CEP350: variants seen among roughly 807,000 people sequenced by gnomAD.
The protein encoded by CEP350 is centrosome-associated protein 350.
A neutral mutation model predicts 331.8 loss-of-function variants in CEP350; 126 were observed. That is an observed-to-expected ratio of 0.38 (90% CI 0.33 to 0.44). The LOEUF (loss-of-function observed/expected upper bound fraction) is 0.44, where lower values mean the gene tolerates loss of function less well. Among genes scored for constraint, CEP350 ranks in the 20% least tolerant of loss-of-function variants. The pLI is 1.00. For synonymous variants in CEP350, 1,200 were observed against 1,259.5 expected (o/e 0.95, Z 1.00); for missense variants, 3,406 against 3,634.6 (o/e 0.94, Z 1.62).
chr1:180,081,315 A>G (rs1403540191), intron 30 of CEP350, among the ~76,000 whole-genome samples: 2 of 152,152 alleles, frequency 1.3e-5, no homozygotes, highest in Non-Finnish European at 2.9e-5. Context: ...ATTATAAATC[A>G]TGGAATTTTC....
chr1:180,030,622 G>C (rs1027109018), intron 14 of CEP350, among the ~76,000 whole-genome samples: 1 of 151,526 alleles, frequency 6.6e-6, no homozygotes, highest in African/African-American at 2.4e-5. Context: ...AGTAAATTTG[G>C]GATATAGTAC....
chr1:179,996,801 T>C lies in CEP350; in HGVS notation c.644T>C (p.Met215Thr). The C allele has an allele frequency of 1.2e-6, 2 of 1,613,740 alleles. No homozygotes were observed. Among genetic ancestry groups the C allele is most frequent in the Non-Finnish European group, 1.7e-6 (2 of 1,179,728 alleles). The change falls in exon 6 of 38, where the codon ATG (methionine) becomes ACG (threonine). Residue 215 changes from methionine to threonine, a missense_variant. Physicochemically the swap from Met to Thr is moderately conservative, Grantham distance 81 (BLOSUM62 -1). Around this residue, in one of 5 missense-constraint regions of CEP350, gnomAD observed 1,857 missense variants for 1,909.2 expected, o/e 0.97. Coordinates refer to ENST00000367607, the MANE Select transcript of CEP350 (RefSeq NM_014810.5). ...CAAAATTCTGAATGTTTGATTAGGATGGGAGCTTCTATGAGAACTGAGGAA... is the reference window on the plus strand; with the variant it reads ...CAAAATTCTGAATGTTTGATTAGGACGGGAGCTTCTATGAGAACTGAGGAA... ...ALQNSECLIR[M>T]GASMRTEEEM...
chr1:180,042,804 TTCTG>T (rs1656856474), intron 19 of CEP350, among the ~76,000 whole-genome samples: 1 of 152,228 alleles, frequency 6.6e-6, no homozygotes, highest in Non-Finnish European at 1.5e-5. Context: ...CTTTAAGGTT[TTCTG>T]TCTAATTCAT....
intron 27 of CEP350, among the ~76,000 whole-genome samples, chr1:180,065,825 G>A (rs564956473): frequency 1.1e-4 from 16 of 151,714 alleles, no homozygotes; most frequent in Non-Finnish European, 2.4e-4. Context: ...TGAAAGAAAG[G>A]CATTTCTTTC....
intron 26 of CEP350, among the ~76,000 whole-genome samples, chr1:180,063,185 A>ACT (rs1658335314): frequency 9.0e-6 from 1 of 111,054 alleles, no homozygotes; most frequent in African/African-American, 3.2e-5. Context: ...AAAATTTGAA[A>ACT]CTTTTTTTTT....
Position 180,075,092 on chromosome 1 carries a change from C to G in CEP350, c.5638C>G (p.Arg1880Gly), listed in dbSNP as rs772463321. 6.2e-7 allele frequency: 1 copy of G among 1,613,262 alleles called. No individual in the cohort carries two copies. Among genetic ancestry groups the G allele is most frequent in the South Asian group, 1.1e-5 (1 of 90,888 alleles). Residue 1880 changes from arginine to glycine, a missense_variant, in exon 28 of 38, where the codon CGA becomes GGA. This residue lies in a region of CEP350 where 1,415 missense variants were observed against 1,512.3 expected (regional missense o/e 0.94). Transcript: ENST00000367607. ...TGCAGAGGAGCTCCTAGAGTGGAAG[C>G]GACGTTTAGATGCAGAAGAAGCAGA... is the stretch of plus-strand genomic sequence containing the variant. The part of the protein sequence containing the change: ...QHAEELLEWK[R>G]RLDAEEAEIR...
In CEP350 at chr1:180,113,960, C is replaced by T. The variant is rs2149215530; in HGVS notation, c.*2799C>T. On this transcript the variant is annotated 3_prime_UTR_variant, in exon 38 of 38. Transcript: ENST00000367607. ...TAGTTAACTCTGGGTTAAACAAGTACAGGGTATAGATTCCCTCTTCAGGTC... is the reference window on the plus strand; with the variant it reads ...TAGTTAACTCTGGGTTAAACAAGTATAGGGTATAGATTCCCTCTTCAGGTC... The T allele has an allele frequency of 6.6e-6, 1 of 152,652 alleles. No individual in the cohort carries two copies. Among genetic ancestry groups the T allele is most frequent in the African/African-American group, 2.4e-5 (1 of 41,524 alleles). 9.5% of individuals were successfully genotyped at this position (152,652 alleles called of 1,614,324 possible). A position where few individuals can be genotyped will look rare whatever the true frequency, so the allele number is the denominator to read the frequency against.
chr1:180,055,584 T>TCTTTTACC (rs1165543889), intron 25 of CEP350, among the ~76,000 whole-genome samples: 1 of 125,738 alleles, frequency 8.0e-6, no homozygotes, highest in Non-Finnish European at 1.6e-5. Flanking sequence ...ACAGTCTCGC[T>TCTTTTACC]CTTTTACCCA....
intron 28 of CEP350, among the ~76,000 whole-genome samples, chr1:180,075,907 A>G (rs1245515388): frequency 6.6e-6 from 1 of 152,044 alleles, no homozygotes; most frequent in East Asian, 1.9e-4. Context: ...CAGTGAGCCA[A>G]CATCGTACCA....
chr1:180,004,906 G>GCTTT (rs1158546433), intron 7 of CEP350, among the ~76,000 whole-genome samples: 3,302 of 130,620 alleles, frequency 0.025, 73 homozygotes, highest in Non-Finnish European at 0.03. Context: ...TTGCTTGCTT[G>GCTTT]CTTTCTTTCT....
rs1335111112 is a variant in CEP350 at position 180,095,647 on chromosome 1, G to C, written c.8636G>C (p.Gly2879Ala). ...CAAGACTGGTTTGATGAAGACTTTGGTTTGAGCTCTTCTCACAAGATCCAA... is the reference window on the plus strand; with the variant it reads ...CAAGACTGGTTTGATGAAGACTTTGCTTTGAGCTCTTCTCACAAGATCCAA... Reference protein sequence around the residue: ...DDQDWFDEDFGLSSSHKIQKN... With the variant: ...DDQDWFDEDFALSSSHKIQKN... The change falls in exon 35 of 38, where the codon GGT becomes GCT. Residue 2879 changes from glycine (G) to alanine (A), a missense_variant. By Grantham distance (60) the Gly-to-Ala change is moderately conservative. This residue lies in a region of CEP350 where 1,415 missense variants were observed against 1,512.3 expected (regional missense o/e 0.94). Transcript: ENST00000367607. The C allele has an allele frequency of 1.9e-6, 3 of 1,613,876 alleles. No homozygotes were observed. In the South Asian group the frequency reaches 3.3e-5, roughly 18 times the overall value.
chr1:180,080,381 T>A, intron 29 of CEP350, 136 bp from the exon 30 acceptor site: 1 of 753,406 alleles, frequency 1.3e-6, no homozygotes, highest in South Asian at 2.2e-5. Context: ...ATTTGTAAAC[T>A]TTTTTCACTT....
intron 28 of CEP350, among the ~76,000 whole-genome samples, chr1:180,077,173 G>A (rs1191310115): frequency 6.6e-6 from 1 of 151,938 alleles, no homozygotes; most frequent in South Asian, 2.1e-4. Context: ...GCTTAGCAAG[G>A]TTTCTGGTTA....
Position 180,051,586 on chromosome 1 carries a change from C to T in CEP350, c.4793-1384C>T, listed in dbSNP as rs144360691. Among the ~76,000 whole-genome samples, 190 of 152,266 alleles carry T rather than the reference C, an allele frequency of 1.2e-3. 1 individual carries two copies. Among genetic ancestry groups the T allele is most frequent in the Admixed American group, 0.011 (169 of 15,298 alleles). ...GTCAAAACCTTGAAACTGTGTATCA[C>T]AATGAGTAAATTTTAATATCTGTGA... On this transcript the variant is annotated intron_variant, in intron 22 of 37. Transcript: ENST00000367607.
intron 27 of CEP350, among the ~76,000 whole-genome samples, chr1:180,068,716 A>G (rs1256722236): frequency 1.3e-5 from 2 of 152,134 alleles, no homozygotes; most frequent in African/African-American, 4.8e-5. Flanking sequence ...CATATTATTT[A>G]TTAATTATAC....
chr1:180,052,334 T>G (rs1274712550), intron 22 of CEP350: 1 of 398,750 alleles, frequency 2.5e-6, no homozygotes, highest in Admixed American at 3.3e-5. Context: ...CCCCTGTGCC[T>G]GGCCCCTAGA....
chr1:180,034,700 G>A (rs1026725145), intron 16 of CEP350, among the ~76,000 whole-genome samples: 3 of 152,132 alleles, frequency 2.0e-5, no homozygotes, highest in Admixed American at 2.0e-4. Flanking sequence ...CACCAACCAT[G>A]TCCGTTTAAG....
rs145258565 is a variant in CEP350, at chr1:180,027,498, A to G, written c.3550+2916A>G. Among the ~76,000 whole-genome samples the G allele has an allele frequency of 3.1e-3, 472 of 151,838 alleles. 6 individuals are homozygous for G. Among genetic ancestry groups the G allele is most frequent in the South Asian group, 0.023 (112 of 4,800 alleles). Reference sequence around the variant, plus strand: ...CATCCTGGGCTCCATCAGTCCTTCCACTCAGCCTCCCAAGTAGCTGGGACT... The same window carrying G: ...CATCCTGGGCTCCATCAGTCCTTCCGCTCAGCCTCCCAAGTAGCTGGGACT... On this transcript the variant is annotated intron_variant, in intron 14 of 37. Transcript: ENST00000367607.
intron 17 of CEP350, among the ~76,000 whole-genome samples, chr1:180,037,411 G>GGTTTT (rs1444222858): frequency 7.2e-6 from 1 of 139,786 alleles, no homozygotes. Context: ...AATACTGAGG[G>GGTTTT]TTTTTTTTTT....
Sources: gnomAD v4.1 joint callset for allele counts (sites outside exome capture counted in the v4.1 genomes callset) on GRCh38, gnomAD v4.1.1 for gene constraint, gnomAD v4.1.1 regional missense constraint, MANE v1.5 for transcripts, NCBI Gene and HGNC (gene_info 2026-07-23, HGNC 2026-07-21) for gene names.